Variants in TOGARAM1 observed in about 807,000 individuals in gnomAD.
The protein encoded by TOGARAM1 is TOG array regulator of axonemal microtubules 1.
TOGARAM1 carries 100 observed loss-of-function variants against 166.6 expected under a neutral mutation model. The observed-to-expected ratio is 0.60, with a 90% CI of 0.51 to 0.71. The LOEUF (loss-of-function observed/expected upper bound fraction) is 0.71. Ranked by LOEUF, TOGARAM1 falls within the 30% of genes least tolerant of loss-of-function variation. The probability of loss-of-function intolerance (pLI) is 0.00; values close to 1 mark genes in which losing one functional copy is unlikely to be tolerated. For missense variants in TOGARAM1, 2,029 were observed against 2,102.7 expected (o/e 0.96, Z 0.69); for synonymous variants, 758 against 763.8 (o/e 0.99, Z 0.13).
intron 15 of TOGARAM1, 74 bp from the exon 16 acceptor site, chr14:45,054,357 A>G (rs1882528291): frequency 1.1e-6 from 1 of 924,476 alleles, no homozygotes; most frequent in African/African-American, 1.7e-5. Context: ...GCCTACTTTG[A>G]AAATTACATT....
chr14:45,033,099 A>G (rs1404381867), intron 11 of TOGARAM1, among the ~76,000 whole-genome samples: 1 of 152,044 alleles, frequency 6.6e-6, no homozygotes, highest in Non-Finnish European at 1.5e-5. Flanking sequence ...AAAATACAAA[A>G]AAAATTAGCC....
At chr14:45,063,507 C>G (rs1882998614) in intron 16 of TOGARAM1, among the ~76,000 whole-genome samples, 1 of 112,668 alleles carries the variant, frequency 8.9e-6, no homozygotes, top group African/African-American at 4.8e-5. Context: ...TTTTTGGAGA[C>G]AGAGTCTCGC....
chr14:44,966,825 C>T (rs1594600681), intron 1 of TOGARAM1, among the ~76,000 whole-genome samples: 1 of 152,202 alleles, frequency 6.6e-6, no homozygotes, highest in East Asian at 1.9e-4. Flanking sequence ...CATGGTGGTG[C>T]AGGCCTGTAG....
At chr14:45,073,261 G>GA (rs745549450) in intron 19 of TOGARAM1, 35 bp from the exon 20 acceptor site, 81 of 1,577,668 alleles carry the variant, frequency 5.1e-5, no homozygotes, top group Admixed American at 3.7e-4. Flanking sequence ...TATTTATTAA[G>GA]AAAAAACCCT....
At chr14:45,011,894 A>G (rs1879823382) in intron 6 of TOGARAM1, 81 bp from the exon 7 acceptor site, 1 of 943,900 alleles carries the variant, frequency 1.1e-6, no homozygotes, top group Non-Finnish European at 1.6e-6. Flanking sequence ...TGAGTTAATA[A>G]GGAGAATAGA....
At chr14:45,032,527 T>C in intron 11 of TOGARAM1, 151 bp downstream of exon 11, 1 of 770,984 alleles carries the variant, frequency 1.3e-6, no homozygotes, top group Non-Finnish European at 2.0e-6. Flanking sequence ...AGCTCATTAA[T>C]GTAGCTGAAC....
chr14:45,047,348 C>T (rs906635229), intron 14 of TOGARAM1, among the ~76,000 whole-genome samples: 7 of 150,134 alleles, frequency 4.7e-5, no homozygotes, highest in Non-Finnish European at 8.9e-5. Flanking sequence ...GCCGAGATTG[C>T]GCCATTGCAC....
intron 1 of TOGARAM1, among the ~76,000 whole-genome samples, chr14:44,974,965 A>G (rs946005658): frequency 6.6e-5 from 10 of 152,090 alleles, no homozygotes; most frequent in Non-Finnish European, 1.3e-4. Context: ...GGAGGGGGGA[A>G]GTGTTCTGTA....
chr14:44,999,307 T>A (rs1887579091), intron 2 of TOGARAM1, 56 bp from the exon 3 acceptor site: 1 of 1,458,706 alleles, frequency 6.9e-7, no homozygotes, highest in Non-Finnish European at 9.2e-7. Context: ...TAAAATGTAT[T>A]CATGAAATAA....
chr14:45,055,004 T>G (rs1285130845), intron 16 of TOGARAM1, among the ~76,000 whole-genome samples: 1 of 151,964 alleles, frequency 6.6e-6, no homozygotes, highest in Non-Finnish European at 1.5e-5. Flanking sequence ...TTGTTTGAGC[T>G]CAGGAGTTCG....
rs1349525327 is a variant in TOGARAM1, at chr14:44,963,879, G to A, written c.1458G>A (p.Val486=). The change falls in exon 1 of 20, where the codon GTG becomes GTA. Residue 486 remains valine (V), a synonymous_variant. Transcript: ENST00000361462. ...ATCTCAAACATAAGCATTCCAGAGT[G>A]AGAGAGGAGGTGGTGAACATTTGCA... The part of the protein sequence containing the change: ...LEHLKHKHSR[V]REEVVNICIC... The A allele has an allele frequency of 6.2e-7, 1 of 1,614,070 alleles. No homozygotes were observed. The highest frequency in any genetic ancestry group is 2.2e-5 in the East Asian group (1 of 44,878).
intron 10 of TOGARAM1, among the ~76,000 whole-genome samples, chr14:45,029,737 TA>T (rs1881051904): frequency 1.3e-5 from 2 of 152,220 alleles, no homozygotes; most frequent in African/African-American, 4.8e-5. Context: ...TTCTAGAAAC[TA>T]TTTTAACAAT....
intron 1 of TOGARAM1, among the ~76,000 whole-genome samples, chr14:44,975,981 C>T (rs1205047059): frequency 1.3e-5 from 2 of 151,854 alleles, no homozygotes; most frequent in Non-Finnish European, 2.9e-5. Context: ...TTTTCTAGCC[C>T]TGTTTATAGA....
chr14:44,997,625 A>G (rs1594637064), intron 2 of TOGARAM1, among the ~76,000 whole-genome samples: 1 of 152,098 alleles, frequency 6.6e-6, no homozygotes, highest in East Asian at 1.9e-4. Flanking sequence ...CATTGACCAT[A>G]ACATTTAGAA....
At chr14:45,063,214 A>G (rs1315418644) in intron 16 of TOGARAM1, among the ~76,000 whole-genome samples, 2 of 152,134 alleles carry the variant, frequency 1.3e-5, no homozygotes, top group Admixed American at 6.5e-5. Context: ...TCATCCGTAT[A>G]TGGATATAGC....
At chr14:44,971,112 G>C (rs1233672179) in intron 1 of TOGARAM1, among the ~76,000 whole-genome samples, 1 of 152,046 alleles carries the variant, frequency 6.6e-6, no homozygotes, top group Non-Finnish European at 1.5e-5. Context: ...TCTATATTCT[G>C]AAGGTAATTG....
chr14:44,995,091 C>A (rs533455011), intron 1 of TOGARAM1, among the ~76,000 whole-genome samples: 1 of 152,114 alleles, frequency 6.6e-6, no homozygotes, highest in Non-Finnish European at 1.5e-5. Flanking sequence ...TCATTTAGTT[C>A]TTTAACTGAT....
chr14:45,056,001 A>G (rs1882619252), intron 16 of TOGARAM1, among the ~76,000 whole-genome samples: 1 of 151,994 alleles, frequency 6.6e-6, no homozygotes, highest in Non-Finnish European at 1.5e-5. Flanking sequence ...ATTCTGATCC[A>G]TGAACCTGGG....
chr14:44,972,784 A>G (rs73348291), intron 1 of TOGARAM1, among the ~76,000 whole-genome samples: 2,108 of 152,214 alleles, frequency 0.014, 36 homozygotes, highest in African/African-American at 0.047. Flanking sequence ...TTTCTTGTAG[A>G]CAGCCTATAT....
Sources: gnomAD v4.1 joint callset for allele counts (sites outside exome capture counted in the v4.1 genomes callset) on GRCh38, gnomAD v4.1.1 for gene constraint, MANE v1.5 for transcripts, NCBI Gene and HGNC (gene_info 2026-07-23, HGNC 2026-07-21) for gene names.